Variants in PDE4D observed in about 807,000 individuals in gnomAD.
The protein encoded by PDE4D is phosphodiesterase 4D, also known as 3',5'-cyclic-AMP phosphodiesterase 4D.
Under a neutral mutation model 87.4 loss-of-function variants are expected in PDE4D, and 24 were observed. The observed-to-expected ratio is 0.27, with a 90% confidence interval of 0.20 to 0.39. The LOEUF (loss-of-function observed/expected upper bound fraction) is 0.39, where lower values mean the gene tolerates loss of function less well. PDE4D is among the 10% of genes least tolerant of loss of function. The pLI is 1.00. For missense variants in PDE4D, 714 were observed against 1,041.0 expected (o/e 0.69, Z 4.32); for synonymous variants, 384 against 383.2 (o/e 1.00, Z -0.02).
At chr5:59,500,445 T>A (rs955897369) in intron 1 of PDE4D, among the ~76,000 whole-genome samples, 3 of 152,178 alleles carry the variant, frequency 2.0e-5, no homozygotes, top group East Asian at 3.9e-4. Flanking sequence ...GAAATCATGT[T>A]CCTTGCAGCA....
At chr5:59,125,776 G>A (rs1311672550) in intron 5 of PDE4D, among the ~76,000 whole-genome samples, 3 of 152,162 alleles carry the variant, frequency 2.0e-5, no homozygotes, top group Non-Finnish European at 4.4e-5. Flanking sequence ...GAACAACTTA[G>A]GGAGACAGGT....
At chr5:60,058,503 T>A (rs746923948) in intron 2 of PDE4D, among the ~76,000 whole-genome samples, 2 of 151,956 alleles carry the variant, frequency 1.3e-5, no homozygotes, top group Non-Finnish European at 2.9e-5. Context: ...AAATTGTCTA[T>A]CCATATTTAT....
intron 1 of PDE4D, among the ~76,000 whole-genome samples, chr5:59,223,106 G>C (rs1161108282): frequency 6.6e-6 from 1 of 152,164 alleles, no homozygotes; most frequent in African/African-American, 2.4e-5. Context: ...GGTGACAGAT[G>C]CTGGAGCCAG....
chr5:60,083,711 C>T (rs574062692), intron 2 of PDE4D, among the ~76,000 whole-genome samples: 1 of 152,318 alleles, frequency 6.6e-6, no homozygotes, highest in East Asian at 1.9e-4. Context: ...AGAAATACTA[C>T]TTCCTGTTAT....
chr5:59,946,309 C>T (rs1251696122), intron 3 of PDE4D, among the ~76,000 whole-genome samples: 1 of 152,162 alleles, frequency 6.6e-6, no homozygotes, highest in Non-Finnish European at 1.5e-5. Context: ...CAGACAATGA[C>T]AGACATAATG....
chr5:59,257,612 C>T (rs1228021072), intron 1 of PDE4D, among the ~76,000 whole-genome samples: 1 of 151,978 alleles, frequency 6.6e-6, no homozygotes, highest in Non-Finnish European at 1.5e-5. Flanking sequence ...AAATTTAGCT[C>T]AGAGAGGCAT....
At chr5:59,712,774 C>G (rs1381574587) in intron 1 of PDE4D, among the ~76,000 whole-genome samples, 9 of 151,892 alleles carry the variant, frequency 5.9e-5, no homozygotes, top group Non-Finnish European at 2.9e-5. Flanking sequence ...GAGCAGGGGC[C>G]CAAGATTTAT....
chr5:59,540,160 C>T (rs982123907), intron 1 of PDE4D, among the ~76,000 whole-genome samples: 2 of 152,124 alleles, frequency 1.3e-5, no homozygotes, highest in African/African-American at 2.4e-5. Flanking sequence ...GTGACTTATA[C>T]GTGTAACTAA....
intron 5 of PDE4D, among the ~76,000 whole-genome samples, chr5:59,175,781 ATTT>A (rs57572403): frequency 2.3e-4 from 22 of 94,576 alleles, no homozygotes; most frequent in Admixed American, 3.5e-4. Context: ...CCCGGCCTCC[ATTT>A]TTTTTTTTTT....
intron 1 of PDE4D, among the ~76,000 whole-genome samples, chr5:60,397,034 A>G (rs1393924246): frequency 2.0e-5 from 3 of 152,228 alleles, no homozygotes; most frequent in African/African-American, 7.2e-5. Flanking sequence ...CACATTTACT[A>G]CTAGCACTCA....
At chr5:59,707,626 C>G (rs749852802) in intron 1 of PDE4D, among the ~76,000 whole-genome samples, 17 of 152,200 alleles carry the variant, frequency 1.1e-4, no homozygotes, top group Middle Eastern at 3.4e-3. Context: ...GTATTAAGAC[C>G]AGCATGCATT....
intron 3 of PDE4D, among the ~76,000 whole-genome samples, chr5:59,937,269 T>C (rs1756701265): frequency 6.6e-6 from 1 of 152,168 alleles, no homozygotes; most frequent in South Asian, 2.1e-4. Context: ...GAATTAGAGA[T>C]AGACATAAAA....
At chr5:60,464,949 T>C (rs956887419) in intron 1 of PDE4D, among the ~76,000 whole-genome samples, 6 of 151,886 alleles carry the variant, frequency 4.0e-5, no homozygotes, top group African/African-American at 7.3e-5. Context: ...AAACTTTTTT[T>C]TGTTTTTTCA....
chr5:59,345,211 C>G (rs1226313178), intron 1 of PDE4D, among the ~76,000 whole-genome samples: 2 of 152,110 alleles, frequency 1.3e-5, no homozygotes, highest in African/African-American at 4.8e-5. Context: ...TATGCATTTA[C>G]TAGTGTTTTT....
chr5:59,007,310 C>G (rs1277938550), intron 6 of PDE4D, among the ~76,000 whole-genome samples: 1 of 152,124 alleles, frequency 6.6e-6, no homozygotes, highest in African/African-American at 2.4e-5. Context: ...AGAAGCAAAT[C>G]TATATAACGT....
chr5:59,145,381 G>A (rs1778484882), intron 5 of PDE4D, among the ~76,000 whole-genome samples: 1 of 152,202 alleles, frequency 6.6e-6, no homozygotes, highest in African/African-American at 2.4e-5. Context: ...TGCATACAGA[G>A]AGAAGGGGAC....
chr5:59,847,174 G>C (rs1440946692), intron 1 of PDE4D, among the ~76,000 whole-genome samples: 2 of 151,944 alleles, frequency 1.3e-5, no homozygotes, highest in African/African-American at 2.4e-5. Context: ...AGGAGGAAGT[G>C]TTTTCTAGTG....
At chr5:59,976,890 A>G (rs1761392138) in intron 3 of PDE4D, among the ~76,000 whole-genome samples, 1 of 152,104 alleles carries the variant, frequency 6.6e-6, no homozygotes, top group Non-Finnish European at 1.5e-5. Flanking sequence ...TTACTATTTT[A>G]ATTTTTGGGG....
At chr5:59,781,869 T>C (rs1716636827) in intron 1 of PDE4D, among the ~76,000 whole-genome samples, 1 of 149,464 alleles carries the variant, frequency 6.7e-6, no homozygotes, top group Admixed American at 6.7e-5. Context: ...TATAAATACC[T>C]GGACTAAAGC....
Sources: gnomAD v4.1 joint callset for allele counts (sites outside exome capture counted in the v4.1 genomes callset) on GRCh38, gnomAD v4.1.1 for gene constraint, MANE v1.5 for transcripts, NCBI Gene and HGNC (gene_info 2026-07-23, HGNC 2026-07-21) for gene names.